The following SLC2A9 variants were observed in gnomAD, a reference collection of about 807,000 sequenced individuals.
The protein encoded by SLC2A9 is solute carrier family 2, facilitated glucose transporter member 9.
Under a neutral mutation model 50.6 loss-of-function variants are expected in SLC2A9, and 39 were observed. The observed-to-expected ratio is 0.77, with a 90% CI of 0.60 to 1.01. The LOEUF (loss-of-function observed/expected upper bound fraction) is 1.01. SLC2A9 is among the 50% of genes least tolerant of loss of function. The probability of loss-of-function intolerance (pLI) is 0.00; values close to 1 mark genes in which losing one functional copy is unlikely to be tolerated. For synonymous variants in SLC2A9, 324 were observed against 276.9 expected (o/e 1.17, Z -1.69); for missense variants, 686 against 677.6 (o/e 1.01, Z -0.14).
At chr4:10,003,958 TG>T (rs1471899928) in intron 2 of SLC2A9, among the ~76,000 whole-genome samples, 1 of 152,226 alleles carries the variant, frequency 6.6e-6, no homozygotes, top group East Asian at 1.9e-4. Flanking sequence ...ATGTGGTATC[TG>T]AGCCACAGAG....
intron 10 of SLC2A9, among the ~76,000 whole-genome samples, chr4:9,853,244 C>G (rs1268846471): frequency 6.6e-6 from 1 of 150,966 alleles, no homozygotes; most frequent in Non-Finnish European, 1.5e-5. Context: ...TATATGCTGT[C>G]TTCAAGACAC....
At position 9,845,001 on chromosome 4, in the gene SLC2A9, G is replaced by A. The variant is rs28624182; in HGVS notation, c.1292-9993C>T. Among the ~76,000 whole-genome samples, 976 of 151,466 alleles carry A rather than the reference G, an allele frequency of 6.4e-3. 6 individuals are homozygous for A. Among genetic ancestry groups the A allele is most frequent in the Middle Eastern group, 0.027 (8 of 294 alleles). On this transcript the variant is annotated intron_variant, in intron 10 of 11. Coordinates refer to ENST00000264784, the MANE Select transcript of SLC2A9 (RefSeq NM_020041.3). Reference sequence around the variant, plus strand: ...TCTCTATTTTCTAACTCTTGCCCACGTACCCTAGAAAAAGTTCAATTTTTT... The same window carrying A: ...TCTCTATTTTCTAACTCTTGCCCACATACCCTAGAAAAAGTTCAATTTTTT...
intron 7 of SLC2A9, among the ~76,000 whole-genome samples, chr4:9,919,657 T>C (rs1055346384): frequency 6.6e-6 from 1 of 152,176 alleles, no homozygotes; most frequent in Non-Finnish European, 1.5e-5. Flanking sequence ...CAGAGGCAGT[T>C]TGGATGCTTT....
At chr4:10,012,426 A>G (rs980393608) in intron 2 of SLC2A9, among the ~76,000 whole-genome samples, 11 of 152,242 alleles carry the variant, frequency 7.2e-5, no homozygotes, top group African/African-American at 2.2e-4. Flanking sequence ...TTTTTTATAA[A>G]TGCTTACAAT....
At chr4:10,022,699 G>T (rs1018004314), upstream of SLC2A9, among the ~76,000 whole-genome samples, 1 of 152,168 alleles carries the variant, frequency 6.6e-6, no homozygotes, top group African/African-American at 2.4e-5. Context: ...AGCAAAGTAC[G>T]TTTAGTAAAA....
intron 10 of SLC2A9, among the ~76,000 whole-genome samples, chr4:9,851,296 C>A (rs11933838): frequency 0.16 from 24,175 of 152,152 alleles, 2,623 homozygotes; most frequent in African/African-American, 0.3. Context: ...GAGCATGAAA[C>A]CCAGGAGTGC....
intron 2 of SLC2A9, among the ~76,000 whole-genome samples, chr4:10,002,794 AG>A (rs1390363283): frequency 6.6e-6 from 1 of 152,198 alleles, no homozygotes; most frequent in Non-Finnish European, 1.5e-5. Flanking sequence ...CAGAGGTTGC[AG>A]GGAGCCAAGA....
chr4:9,897,921 GACATAC>G (rs1738865789), intron 8 of SLC2A9, among the ~76,000 whole-genome samples: 1 of 152,056 alleles, frequency 6.6e-6, no homozygotes, highest in East Asian at 1.9e-4. Flanking sequence ...AACAAAAAAA[GACATAC>G]ACAGACAGAA....
chr4:9,810,958 C>A (rs959239561), intron 3 of SLC2A9, among the ~76,000 whole-genome samples: 9 of 152,178 alleles, frequency 5.9e-5, no homozygotes, highest in Non-Finnish European at 1.3e-4. Flanking sequence ...TTGTGTCTTC[C>A]AAACAAACTT....
intron 3 of SLC2A9, among the ~76,000 whole-genome samples, chr4:9,786,130 T>C (rs781606948): frequency 3.3e-5 from 5 of 152,202 alleles, no homozygotes; most frequent in Non-Finnish European, 7.4e-5. Flanking sequence ...TTAATGTTAA[T>C]TGCTGTAGCA....
chr4:9,966,921 G>A (rs1203549112), intron 5 of SLC2A9, among the ~76,000 whole-genome samples: 1 of 152,032 alleles, frequency 6.6e-6, no homozygotes, highest in African/African-American at 2.4e-5. Flanking sequence ...CCATCCCTTA[G>A]TGCCTTTGAT....
chr4:9,901,575 T>C (rs901307478), intron 8 of SLC2A9, among the ~76,000 whole-genome samples: 1 of 152,206 alleles, frequency 6.6e-6, no homozygotes. Context: ...CTAAAAGCCT[T>C]ATAGACAGCA....
Position 9,998,067 on chromosome 4 carries a change from G to C in SLC2A9, c.250-1126C>G, listed in dbSNP as rs114633131. Among the ~76,000 whole-genome samples the C allele has an allele frequency of 3.9e-3, 587 of 152,296 alleles. 7 individuals are homozygous for C. The highest frequency in any genetic ancestry group is 0.013 in the African/African-American group (550 of 41,562). On this transcript the variant is annotated intron_variant, in intron 2 of 11. Coordinates refer to ENST00000264784, the MANE Select transcript of SLC2A9 (RefSeq NM_020041.3). ...ACATCATTAGTCAACAGAGAAATGA[G>C]ACCACAAGGAAATACAACTTCACAT...
chr4:9,934,169 T>C (rs183034270), intron 6 of SLC2A9, among the ~76,000 whole-genome samples: 8 of 152,260 alleles, frequency 5.3e-5, no homozygotes, highest in Admixed American at 5.2e-4. Context: ...CACACTAGCA[T>C]ATAAGAGGAA....
At chr4:10,018,479 T>C (rs1560497789) in intron 2 of SLC2A9, among the ~76,000 whole-genome samples, 1 of 151,908 alleles carries the variant, frequency 6.6e-6, no homozygotes, top group African/African-American at 2.4e-5. Flanking sequence ...GAGGCGGCGG[T>C]TGCAGTGAGC....
intron 2 of SLC2A9, among the ~76,000 whole-genome samples, chr4:10,010,561 T>G (rs921354462): frequency 6.6e-6 from 1 of 152,178 alleles, no homozygotes; most frequent in African/African-American, 2.4e-5. Flanking sequence ...CTAGTTAGCA[T>G]CAGGAGTCAT....
chr4:9,901,672 G>GC (rs966615155), intron 8 of SLC2A9, among the ~76,000 whole-genome samples: 3 of 151,120 alleles, frequency 2.0e-5, no homozygotes, highest in Non-Finnish European at 3.0e-5. Context: ...CAAGCCCCAT[G>GC]CCCCCCCACC....
At chr4:9,791,536 T>G (rs1166498735) in intron 3 of SLC2A9, among the ~76,000 whole-genome samples, 1 of 152,122 alleles carries the variant, frequency 6.6e-6, no homozygotes, top group African/African-American at 2.4e-5. Flanking sequence ...AGGACCCAAG[T>G]GTATTTTGCA....
intron 10 of SLC2A9, among the ~76,000 whole-genome samples, chr4:9,851,941 G>A (rs920187067): frequency 6.6e-6 from 1 of 152,198 alleles, no homozygotes; most frequent in Non-Finnish European, 1.5e-5. Context: ...GCAAATCTAT[G>A]ACTCACTGGT....
Sources: allele counts gnomAD v4.1 joint callset (sites outside exome capture counted in the v4.1 genomes callset), GRCh38; gene constraint gnomAD v4.1.1; transcripts MANE v1.5; gene names NCBI Gene and HGNC (gene_info 2026-07-23, HGNC 2026-07-21).